IL1RAPL2: variants seen among roughly 807,000 people sequenced by gnomAD.
IL1RAPL2 encodes X-linked interleukin-1 receptor accessory protein-like 2.
In IL1RAPL2, 3 loss-of-function variants were observed where a neutral mutation model predicts 44.1. The observed-to-expected ratio is 0.07, with a 90% CI of 0.03 to 0.18. The LOEUF is 0.18. Among genes scored for constraint, IL1RAPL2 ranks in the 10% least tolerant of loss-of-function variants. The pLI, the probability that IL1RAPL2 is intolerant of heterozygous loss-of-function variation, is 1.00. For missense variants in IL1RAPL2, 391 were observed against 496.4 expected (o/e 0.79, Z 2.02); for synonymous variants, 181 against 178.8 (o/e 1.01, Z -0.10).
chrX:104,601,933 G>T (rs1928889889), intron 1 of IL1RAPL2, among the ~76,000 whole-genome samples: 1 of 112,012 alleles, frequency 8.9e-6, no homozygotes, highest in Admixed American at 9.4e-5. Context: ...AAAGATACAT[G>T]TGTCCATATG....
intron 2 of IL1RAPL2, among the ~76,000 whole-genome samples, chrX:104,865,697 T>G (rs1922598073): frequency 1.8e-5 from 2 of 112,612 alleles, no homozygotes; most frequent in South Asian, 7.4e-4. Context: ...GCACTTCATC[T>G]TTCTTTTGTG....
chrX:104,752,462 T>C (rs1328899228), intron 2 of IL1RAPL2, among the ~76,000 whole-genome samples: 2 of 111,141 alleles, frequency 1.8e-5, no homozygotes, highest in African/African-American at 6.5e-5. Flanking sequence ...CCACTATCCT[T>C]CTTTGAAATT....
intron 2 of IL1RAPL2, among the ~76,000 whole-genome samples, chrX:104,708,643 C>T (rs1389227669): frequency 1.8e-5 from 2 of 110,836 alleles, no homozygotes; most frequent in African/African-American, 3.3e-5. Context: ...CAATTTGTTC[C>T]CTGCATAACA....
At chrX:105,069,735 C>A (rs2032182901) in intron 2 of IL1RAPL2, among the ~76,000 whole-genome samples, 1 of 112,113 alleles carries the variant, frequency 8.9e-6, no homozygotes, top group Non-Finnish European at 1.9e-5. Context: ...GTTGAATTAT[C>A]AGAACCTTTT....
At chrX:104,624,642 C>T (rs989531673) in intron 1 of IL1RAPL2, among the ~76,000 whole-genome samples, 2 of 111,128 alleles carry the variant, frequency 1.8e-5, no homozygotes, top group African/African-American at 6.5e-5. Flanking sequence ...AGTTTTGGGC[C>T]CACTGTCCTT....
chrX:105,209,986 G>T (rs2033795213), intron 3 of IL1RAPL2, among the ~76,000 whole-genome samples: 2 of 110,212 alleles, frequency 1.8e-5, no homozygotes, highest in African/African-American at 6.6e-5. Context: ...CCCCAATCGT[G>T]TTTTTTATGC....
At chrX:104,917,495 T>G (rs769972318) in intron 2 of IL1RAPL2, among the ~76,000 whole-genome samples, 1 of 111,717 alleles carries the variant, frequency 9.0e-6, no homozygotes, top group East Asian at 2.8e-4. Flanking sequence ...AAAAAAAACC[T>G]TGGGGAAGCT....
intron 1 of IL1RAPL2, among the ~76,000 whole-genome samples, chrX:104,578,026 T>C (rs1324969732): frequency 8.9e-6 from 1 of 112,021 alleles, no homozygotes; most frequent in East Asian, 2.8e-4. Flanking sequence ...TATTTGTCTA[T>C]GTAAATGATT....
rs1556004669 is a variant in IL1RAPL2, at chrX:104,876,668, T to TC, written c.82+217674dup. Among the ~76,000 whole-genome samples the TC allele has an allele frequency of 9.5e-4, 100 of 105,185 alleles. 1 individual carries two copies. Among genetic ancestry groups the TC allele is most frequent in the South Asian group, 8.3e-3 (20 of 2,403 alleles). The allele number at this position is 105,185 out of a possible 115,157, so 91.3% of individuals were successfully genotyped here. On this transcript the variant is annotated intron_variant, in intron 2 of 10. Coordinates refer to ENST00000372582, the MANE Select transcript of IL1RAPL2 (RefSeq NM_017416.2). ...ATAGCTTTCTTTTTTTTTTTTTTTT[T>TC]CAAGGGACATGCTGAATTTTATTTT...
rs749112238 is a variant in IL1RAPL2, at chrX:104,648,959, G to A, written c.-19-9936G>A. 9.0e-5 allele frequency among the ~76,000 whole-genome samples: 10 copies of A among 111,325 alleles called. No individual in the cohort carries two copies. In the South Asian group the frequency reaches 3.8e-3, roughly 43 times the overall value. ...TCTCCTTGCATTCTCTCCTGAGATA[G>A]TCCCTTCTGCTGTCTCTCAATGTTT... On this transcript the variant is annotated intron_variant, in intron 1 of 10. Transcript: ENST00000372582.
intron 6 of IL1RAPL2, among the ~76,000 whole-genome samples, chrX:105,628,526 G>A (rs182380411): frequency 1.8e-5 from 2 of 112,670 alleles, no homozygotes; most frequent in Admixed American, 9.4e-5. Context: ...ATGAGGAAAC[G>A]TGTGGGGTGT....
intron 6 of IL1RAPL2, among the ~76,000 whole-genome samples, chrX:105,671,022 A>T (rs1682301168): frequency 9.1e-6 from 1 of 109,851 alleles, no homozygotes; most frequent in Non-Finnish European, 1.9e-5. Context: ...ATCTCAGCTC[A>T]CTGCAACCTC....
intron 6 of IL1RAPL2, among the ~76,000 whole-genome samples, chrX:105,556,096 T>C (rs1261861787): frequency 3.6e-5 from 4 of 111,602 alleles, no homozygotes; most frequent in Non-Finnish European, 7.6e-5. Context: ...CTGTCCACTC[T>C]CACCCTAATT....
At chrX:105,398,491 T>C (rs1204965356) in intron 5 of IL1RAPL2, among the ~76,000 whole-genome samples, 1 of 110,137 alleles carries the variant, frequency 9.1e-6, no homozygotes. Flanking sequence ...TTGATTTTTT[T>C]GTGTGTGTGT....
At chrX:104,721,277 C>G (rs1931669872) in intron 2 of IL1RAPL2, among the ~76,000 whole-genome samples, 1 of 111,337 alleles carries the variant, frequency 9.0e-6, no homozygotes, top group African/African-American at 3.3e-5. Flanking sequence ...ATGGAATCAG[C>G]CCAGATGCCC....
At chrX:105,478,116 A>C (rs901612304) in intron 5 of IL1RAPL2, among the ~76,000 whole-genome samples, 1 of 108,946 alleles carries the variant, frequency 9.2e-6, no homozygotes, top group Non-Finnish European at 1.9e-5. Flanking sequence ...ATTGCCTGTT[A>C]CCTTTGGCCA....
chrX:105,205,986 C>G (rs2033760761), intron 3 of IL1RAPL2, among the ~76,000 whole-genome samples: 1 of 110,103 alleles, frequency 9.1e-6, no homozygotes, highest in Admixed American at 9.7e-5. Context: ...ATGAATGAAT[C>G]CCAGATATAT....
At chrX:105,652,518 C>T (rs2037648515) in intron 6 of IL1RAPL2, among the ~76,000 whole-genome samples, 1 of 111,574 alleles carries the variant, frequency 9.0e-6, no homozygotes, top group Non-Finnish European at 1.9e-5. Context: ...ATCATAGATA[C>T]TACTTGTTGG....
At chrX:105,128,774 T>C (rs2032999913) in intron 2 of IL1RAPL2, among the ~76,000 whole-genome samples, 2 of 111,389 alleles carry the variant, frequency 1.8e-5, no homozygotes, top group Non-Finnish European at 3.8e-5. Context: ...TATTTAGGCC[T>C]TAGTTCTATG....
Sources: gnomAD v4.1 joint callset for allele counts (sites outside exome capture counted in the v4.1 genomes callset) on GRCh38, gnomAD v4.1.1 for gene constraint, MANE v1.5 for transcripts, NCBI Gene and HGNC (gene_info 2026-07-23, HGNC 2026-07-21) for gene names.